The following COL7A1 variants were observed in gnomAD, a reference collection of about 807,000 sequenced individuals.
The protein encoded by COL7A1 is collagen type VII alpha 1 chain.
COL7A1 carries 296 observed loss-of-function variants against 456.2 expected under a neutral mutation model. That is an observed-to-expected ratio of 0.65 (90% CI 0.59 to 0.71). The LOEUF (loss-of-function observed/expected upper bound fraction) is 0.71. COL7A1 is among the 30% of genes least tolerant of loss of function. The probability of loss-of-function intolerance (pLI) is 0.00; values close to 1 mark genes in which losing one functional copy is unlikely to be tolerated. For synonymous variants in COL7A1, 1,464 were observed against 1,525.9 expected, an observed-to-expected ratio of 0.96 and a Z score of 0.95; for missense variants, 3,441 against 4,017.2, an observed-to-expected ratio of 0.86 and a Z score of 3.88.
Position 48,565,573 on chromosome 3 carries a change from C to T in COL7A1, c.8440+63G>A. 1 of 1,614,066 alleles carries T rather than the reference C, an allele frequency of 6.2e-7. No homozygotes were observed. Among genetic ancestry groups the T allele is most frequent in the South Asian group, 1.1e-5 (1 of 91,066 alleles). ...TCCCAGCCAACCCCCCTGAGAGGAC[C>T]CCAGTTGATAGGCAGGGCAGGGCCT... On this transcript the variant is annotated intron_variant, in intron 115 of 118. Coordinates refer to ENST00000681320, the MANE Select transcript of COL7A1 (RefSeq NM_000094.4). The surrounding 1 kb of genome is among the most constrained non-coding windows in gnomAD (Gnocchi z 4.5).
At position 48,585,551 on chromosome 3, in the gene COL7A1, A is replaced by G. The variant is rs2045179825; in HGVS notation, c.3894+6T>C. On this transcript the variant is annotated splice_donor_region_variant and intron_variant, in intron 32 of 118. Transcript: ENST00000681320. This position sits in a 1 kb window ranked among gnomAD's most constrained non-coding sequence, Gnocchi z 4.5. ...TCAGAGAAACCTCGATGGTCTCCAC[A>G]CTCACCCTCTCGCCCTTGGCAGTGG... 12 of 1,613,284 alleles carry G rather than the reference A, an allele frequency of 7.4e-6. No individual in the cohort carries two copies. The highest frequency in any genetic ancestry group is 1.0e-5 in the Non-Finnish European group (12 of 1,179,820).
In COL7A1 at chr3:48,593,187, A is replaced by G. The variant is rs759813336; in HGVS notation, c.597T>C (p.Asn199=). ...QPTSDFFFFV[N]DFSILRTLLP... ...GTAGTGTCCTCAAGATGCTGAAGTC[A>G]TTGACGAAGAAGAAGAAGTCACTGG... The change falls in exon 6 of 119, where the codon AAT becomes AAC. Residue 199 remains asparagine, a synonymous_variant. Coordinates refer to ENST00000681320, the MANE Select transcript of COL7A1 (RefSeq NM_000094.4). This position sits in a 1 kb window ranked among gnomAD's most constrained non-coding sequence, Gnocchi z 4.4. 2.3e-5 allele frequency: 37 copies of G among 1,614,002 alleles called. No individual in the cohort carries two copies. The highest frequency in any genetic ancestry group is 3.1e-5 in the Non-Finnish European group (36 of 1,180,024).
At chr3:48,582,385 C>T in intron 46 of COL7A1, 27 bp from the exon 47 acceptor site, 1 of 1,614,070 alleles carries the variant, frequency 6.2e-7, no homozygotes, top group Non-Finnish European at 8.5e-7. Context: ...GGAGCAGGGA[C>T]AGGTCAGGGA....
In COL7A1 at chr3:48,571,781, C is replaced by A; in HGVS notation, c.7068+220G>T. 1 of 646,404 alleles carries A rather than the reference C, an allele frequency of 1.5e-6. No homozygotes were observed. 40.0% of individuals were successfully genotyped at this position (646,404 alleles called of 1,614,324 possible). ...TGCCCAGATGTGGTGAGAAACAGAC[C>A]AAGGATGGGCACACAGAAGCCAAGA... On this transcript the variant is annotated intron_variant, in intron 92 of 118. Coordinates refer to ENST00000681320, the MANE Select transcript of COL7A1 (RefSeq NM_000094.4). This position sits in a 1 kb window ranked among gnomAD's most constrained non-coding sequence, Gnocchi z 4.6.
chr3:48,569,977 C>G lies in COL7A1; in HGVS notation c.7486-62G>C. On this transcript the variant is annotated intron_variant, in intron 99 of 118. Coordinates refer to ENST00000681320, the MANE Select transcript of COL7A1 (RefSeq NM_000094.4). This position sits in a 1 kb window ranked among gnomAD's most constrained non-coding sequence, Gnocchi z 4.9. ...AGGGCAGTGGAGGACGGAGGAGGAT[C>G]AGGGGGAGGAGGGAAACAGTGGGGA... 6.2e-7 allele frequency: 1 copy of G among 1,609,982 alleles called. No individual in the cohort carries two copies. Among genetic ancestry groups the G allele is most frequent in the Non-Finnish European group, 8.5e-7 (1 of 1,177,122 alleles).
Position 48,592,367 on chromosome 3 carries a change from T to G in COL7A1, c.1077A>C (p.Thr359=). 1.9e-6 allele frequency: 3 copies of G among 1,613,596 alleles called. No individual in the cohort carries two copies. The South Asian group carries it at 3.3e-5, about 18-fold the overall frequency. Reference sequence around the variant, plus strand: ...CTCACTCACCACTGAGGACCCGCCATGTCACACGGTAGCCAGTGGCACCTG... The same window carrying G: ...CTCACTCACCACTGAGGACCCGCCAGGTCACACGGTAGCCAGTGGCACCTG... ...SVPGATGYRV[T]WRVLSGGPTQ... The change falls in exon 9 of 119, where the codon ACA becomes ACC. Residue 359 remains threonine, a synonymous_variant. Transcript: ENST00000681320. The surrounding 1 kb of genome is among the most constrained non-coding windows in gnomAD (Gnocchi z 7.6).
rs779483235 is a variant in COL7A1 at position 48,592,323 on chromosome 3, C to T, written c.1093+28G>A. 3 of 1,613,516 alleles carry T rather than the reference C, an allele frequency of 1.9e-6. No individual in the cohort carries two copies. In the South Asian group the frequency reaches 3.3e-5, roughly 18 times the overall value. Reference sequence around the variant, plus strand: ...TACAGCCTTGTCTGAGGCGCGGGGACTCCCCTCAGCCCACATCTCTCACTC... The same window carrying T: ...TACAGCCTTGTCTGAGGCGCGGGGATTCCCCTCAGCCCACATCTCTCACTC... On this transcript the variant is annotated intron_variant, in intron 9 of 118. Coordinates refer to ENST00000681320, the MANE Select transcript of COL7A1 (RefSeq NM_000094.4). This position sits in a 1 kb window ranked among gnomAD's most constrained non-coding sequence, Gnocchi z 7.6.
Position 48,585,541 on chromosome 3 carries a change from T to A in COL7A1, c.3894+16A>T. ...GAGGAGTGCCTCAGAGAAACCTCGA[T>A]GGTCTCCACACTCACCCTCTCGCCC... On this transcript the variant is annotated intron_variant, in intron 32 of 118. Coordinates refer to ENST00000681320, the MANE Select transcript of COL7A1 (RefSeq NM_000094.4). This position sits in a 1 kb window ranked among gnomAD's most constrained non-coding sequence, Gnocchi z 4.5. The A allele has an allele frequency of 6.2e-7, 1 of 1,613,660 alleles. No individual in the cohort carries two copies. Among genetic ancestry groups the A allele is most frequent in the Non-Finnish European group, 8.5e-7 (1 of 1,179,940 alleles).
rs748676695 is a variant in COL7A1, at chr3:48,567,604, G to A, written c.8016C>T (p.Ala2672=). Residue 2672 remains alanine, a synonymous_variant, in exon 109 of 119, where the codon GCC becomes GCT. Transcript: ENST00000681320. This position sits in a 1 kb window ranked among gnomAD's most constrained non-coding sequence, Gnocchi z 4.3. ...GACCGATCAGGCCCTCCTTGCCAGG[G>A]GCCCCCGACTGGCCCGGCACACCAG... ...GEPGVPGQSG[A]PGKEGLIGPK... is the part of the protein sequence containing the mutation. The A allele has an allele frequency of 6.2e-7, 1 of 1,614,108 alleles. No homozygotes were observed. Among genetic ancestry groups the A allele is most frequent in the Admixed American group, 1.7e-5 (1 of 60,028 alleles).
chr3:48,568,009 C>A lies in COL7A1; in HGVS notation c.7875+81G>T. On this transcript the variant is annotated intron_variant, in intron 106 of 118. Coordinates refer to ENST00000681320, the MANE Select transcript of COL7A1 (RefSeq NM_000094.4). The surrounding 1 kb of genome is among the most constrained non-coding windows in gnomAD (Gnocchi z 5.2). ...CTACTCCAACCTCTGACCCAGTGCCCTAATATCTGACCCCAGGTCCCTCGC... is the reference window on the plus strand; with the variant it reads ...CTACTCCAACCTCTGACCCAGTGCCATAATATCTGACCCCAGGTCCCTCGC... 1 of 1,602,008 alleles carries A rather than the reference C, an allele frequency of 6.2e-7. No individual in the cohort carries two copies. The highest frequency in any genetic ancestry group is 8.6e-7 in the Non-Finnish European group (1 of 1,169,186).
At position 48,568,217 on chromosome 3, in the gene COL7A1, A is replaced by G; in HGVS notation, c.7795-47T>C. The stretch of plus-strand genomic sequence containing the variant: ...TGAGGTCAGAGGAGGTCAGTGAGGG[A>G]CCAAAGAGAATCGCCCTGGATAGTG... On this transcript the variant is annotated intron_variant, in intron 105 of 118. Transcript: ENST00000681320. This position sits in a 1 kb window ranked among gnomAD's most constrained non-coding sequence, Gnocchi z 5.2. 7 of 1,596,456 alleles carry G rather than the reference A, an allele frequency of 4.4e-6. No homozygotes were observed. The highest frequency in any genetic ancestry group is 5.1e-6 in the Non-Finnish European group (6 of 1,169,706).
In COL7A1 at chr3:48,588,786, C is replaced by T. The variant is rs576306176; in HGVS notation, c.2443G>A (p.Gly815Ser). Residue 815 changes from glycine (G) to serine (S), a missense_variant and splice_region_variant, in exon 20 of 119, where the codon GGC becomes AGC. Gly to Ser is a moderately conservative substitution (Grantham distance 56, BLOSUM62 0). Coordinates refer to ENST00000681320, the MANE Select transcript of COL7A1 (RefSeq NM_000094.4). This position sits in a 1 kb window ranked among gnomAD's most constrained non-coding sequence, Gnocchi z 4.6. ...GGGAGTATCTGGTGCCTCATGGGGC[C>T]GCCTGGCCAGGTGGGCATACAGCAA... ...YRLAWGRSEG[G>S]PMRHQILPGN... is the part of the protein sequence containing the mutation. 13 of 1,613,854 alleles carry T rather than the reference C, an allele frequency of 8.1e-6. No individual in the cohort carries two copies. The highest frequency in any genetic ancestry group is 6.7e-5 in the East Asian group (3 of 44,892).
chr3:48,567,816 C>A lies in COL7A1; in HGVS notation c.7929+22G>T. On this transcript the variant is annotated intron_variant, in intron 107 of 118. Transcript: ENST00000681320. The surrounding 1 kb of genome is among the most constrained non-coding windows in gnomAD (Gnocchi z 4.3). ...CTTAGGCCCCAGGCCACGTAGCCCC[C>A]CAGCCCCCATCCCCTCTGTACCTTG... is the stretch of plus-strand genomic sequence containing the variant. The A allele has an allele frequency of 6.2e-7, 1 of 1,614,160 alleles. No homozygotes were observed. Among genetic ancestry groups the A allele is most frequent in the Admixed American group, 1.7e-5 (1 of 60,022 alleles).
Position 48,593,291 on chromosome 3 carries a change from T to G in COL7A1, c.521-28A>C, listed in dbSNP as rs766033329. 5 of 1,613,980 alleles carry G rather than the reference T, an allele frequency of 3.1e-6. No individual in the cohort carries two copies. In the East Asian group the frequency reaches 1.1e-4, roughly 36 times the overall value. On this transcript the variant is annotated intron_variant, in intron 5 of 118. Coordinates refer to ENST00000681320, the MANE Select transcript of COL7A1 (RefSeq NM_000094.4). The surrounding 1 kb of genome is among the most constrained non-coding windows in gnomAD (Gnocchi z 4.4). Reference sequence around the variant, plus strand: ...GAAGTGACGACCCATCAGGACTCAGTCACCCACATGCTCTCTGACTGCCCC... The same window carrying G: ...GAAGTGACGACCCATCAGGACTCAGGCACCCACATGCTCTCTGACTGCCCC...
Position 48,568,381 on chromosome 3 carries a change from G to A in COL7A1, c.7794+118C>T, listed in dbSNP as rs2043705485. On this transcript the variant is annotated intron_variant, in intron 105 of 118. Transcript: ENST00000681320. The surrounding 1 kb of genome is among the most constrained non-coding windows in gnomAD (Gnocchi z 5.2). ...AGGTGGGGGACCCTGGGTGACATGA[G>A]GACACCATGAGAGCACTGGGTCACT... 2.6e-6 allele frequency: 3 copies of A among 1,155,284 alleles called. No homozygotes were observed. The highest frequency in any genetic ancestry group is 1.5e-5 in the African/African-American group (1 of 65,434). The allele number at this position is 1,155,284 out of a possible 1,614,324, so 71.6% of individuals were successfully genotyped here. A position where few individuals can be genotyped will look rare whatever the true frequency, so the allele number is the denominator to read the frequency against.
chr3:48,568,556 G>T lies in COL7A1; in HGVS notation c.7759-22C>A, dbSNP rs778750758. ...GACCCTGTGAGAAACACAGATGGGG[G>T]AGCCCTTCAGTGGGACTGTCCCCAA... On this transcript the variant is annotated intron_variant, in intron 104 of 118. Coordinates refer to ENST00000681320, the MANE Select transcript of COL7A1 (RefSeq NM_000094.4). This position sits in a 1 kb window ranked among gnomAD's most constrained non-coding sequence, Gnocchi z 5.2. 2 of 1,605,242 alleles carry T rather than the reference G, an allele frequency of 1.2e-6. No individual in the cohort carries two copies. The highest frequency in any genetic ancestry group is 2.2e-5 in the South Asian group (2 of 90,392).
chr3:48,582,827 G>A (rs1044863494), intron 44 of COL7A1, among the ~76,000 whole-genome samples, 174 bp from the exon 45 acceptor site: 1 of 152,132 alleles, frequency 6.6e-6, no homozygotes, highest in African/African-American at 2.4e-5. Context: ...ATCAAGGTCA[G>A]TTCAGCAGGG....
At position 48,587,763 on chromosome 3, in the gene COL7A1, G is replaced by A; in HGVS notation, c.2857+30C>T. ...AAGTCAGGGTGGGTCATCAGCAGGG[G>A]AGGAGCACGCCAAGGTGAGGCAGGC... is the stretch of plus-strand genomic sequence containing the variant. On this transcript the variant is annotated intron_variant, in intron 22 of 118. Transcript: ENST00000681320. This position sits in a 1 kb window ranked among gnomAD's most constrained non-coding sequence, Gnocchi z 6.1. 6.2e-7 allele frequency: 1 copy of A among 1,613,478 alleles called. No individual in the cohort carries two copies. Among genetic ancestry groups the A allele is most frequent in the East Asian group, 2.2e-5 (1 of 44,872 alleles).
Position 48,592,938 on chromosome 3 carries a change from G to T in COL7A1, c.683C>A (p.Pro228Gln). 3 of 1,613,654 alleles carry T rather than the reference G, an allele frequency of 1.9e-6. No individual in the cohort carries two copies. Among genetic ancestry groups the T allele is most frequent in the Non-Finnish European group, 1.7e-6 (2 of 1,179,936 alleles). ...TCGTGGAGCAGAGGTCGAGTCATCC[G>T]CTGGGAATGCGGGATCAGGGGATCA... ...TAGGVPVTRP[P>Q]DDSTSAPRDL... The change falls in exon 7 of 119, where the codon CCG becomes CAG. Residue 228 changes from proline to glutamine, a missense_variant and splice_region_variant. By Grantham distance (76) the Pro-to-Gln change is moderately conservative. Around this residue, in one of 3 missense-constraint regions of COL7A1, gnomAD observed 913 missense variants for 1,088.2 expected, o/e 0.84. Transcript: ENST00000681320. The surrounding 1 kb of genome is among the most constrained non-coding windows in gnomAD (Gnocchi z 7.6).
Sources: gnomAD v4.1 joint callset for allele counts (sites outside exome capture counted in the v4.1 genomes callset) on GRCh38, gnomAD v4.1.1 for gene constraint, gnomAD v4.1.1 regional missense constraint, Gnocchi (gnomAD v3.1) non-coding constraint, MANE v1.5 for transcripts, NCBI Gene and HGNC (gene_info 2026-07-23, HGNC 2026-07-21) for gene names.